The following SLC25A26 variants were observed in gnomAD, a reference collection of about 807,000 sequenced individuals.
SLC25A26 encodes the protein solute carrier family 25 member 26.
Under a neutral mutation model 37.8 loss-of-function variants are expected in SLC25A26, and 36 were observed. The observed-to-expected ratio is 0.95, with a 90% CI of 0.73 to 1.26. The LOEUF (loss-of-function observed/expected upper bound fraction) is 1.26. Ranked by LOEUF, SLC25A26 falls within the 50% of genes most tolerant of loss-of-function variation. The pLI is 0.00. For synonymous variants in SLC25A26, 129 were observed against 122.5 expected, an observed-to-expected ratio of 1.05 and a Z score of -0.35; for missense variants, 390 against 331.1, an observed-to-expected ratio of 1.18 and a Z score of -1.38.
At position 66,205,318 on chromosome 3, in the gene SLC25A26, C is replaced by T. The variant is rs1388451068; in HGVS notation, c.-353-15424C>T. ...TAAATGAATTAAAAATTTCCTGTCC[C>T]CAGAGTCTTACATCTTTCTCTGGTT... On this transcript the variant is annotated intron_variant, in intron 1 of 10. Transcript: ENST00000676754. Among the ~76,000 whole-genome samples, 6 of 152,232 alleles carry T rather than the reference C, an allele frequency of 3.9e-5. No individual in the cohort carries two copies. In the East Asian group the frequency reaches 1.2e-3, roughly 29 times the overall value.
intron 5 of SLC25A26, among the ~76,000 whole-genome samples, chr3:66,313,914 C>T (rs575688831): frequency 1.3e-5 from 2 of 152,040 alleles, no homozygotes; most frequent in African/African-American, 4.8e-5. Context: ...TGATTTGGCT[C>T]TCTGCTTGCC....
Position 66,300,243 on chromosome 3 carries a change from G to GT in SLC25A26, c.453+36871dup, listed in dbSNP as rs1395905357. On this transcript the variant is annotated intron_variant, in intron 5 of 9. Transcript: ENST00000354883. ...AACTCCAGTGGACTTCTAGGCTAGGGTTTTTTTGTTTTGTTTTTTTTTTTT... is the reference window on the plus strand; with the variant it reads ...AACTCCAGTGGACTTCTAGGCTAGGGTTTTTTTTGTTTTGTTTTTTTTTTTT... 5.9e-3 allele frequency among the ~76,000 whole-genome samples: 672 copies of GT among 113,140 alleles called. 6 individuals carry two copies. The highest frequency in any genetic ancestry group is 0.019 in the African/African-American group (625 of 33,238). 74.2% of individuals were successfully genotyped at this position (113,140 alleles called of 152,430 possible).
Position 66,362,861 on chromosome 3 carries a change from C to A in SLC25A26, c.500C>A (p.Ala167Asp). The change falls in exon 7 of 10, where the codon GCC becomes GAC. Residue 167 changes from alanine to aspartate, a missense_variant and splice_region_variant. Transcript: ENST00000354883. ...ATTTTTCTTTCTCCTTAAACACAGG[C>A]CCTCTGGTCCTGGAGGCAGGATCAT... ...VQFPLWESLKALWSWRQDHVV... is the reference protein window; with the variant it reads ...VQFPLWESLKDLWSWRQDHVV... 1.3e-6 allele frequency: 2 copies of A among 1,594,766 alleles called. No individual in the cohort carries two copies. Among genetic ancestry groups the A allele is most frequent in the Non-Finnish European group, 8.5e-7 (1 of 1,170,682 alleles).
At chr3:66,303,968 C>A (rs1343352940) in intron 5 of SLC25A26, among the ~76,000 whole-genome samples, 1 of 152,146 alleles carries the variant, frequency 6.6e-6, no homozygotes, top group African/African-American at 2.4e-5. Context: ...GCTCTGAGGT[C>A]CTTGCCATGT....
At chr3:66,232,750 GA>G (rs1244032231) in intron 1 of SLC25A26, among the ~76,000 whole-genome samples, 1 of 152,234 alleles carries the variant, frequency 6.6e-6, no homozygotes, top group African/African-American at 2.4e-5. Flanking sequence ...CCAGAGCCTG[GA>G]AGGCTGTGCT....
At chr3:66,177,087 T>G (rs1054338694) in intron 1 of SLC25A26, among the ~76,000 whole-genome samples, 1 of 152,178 alleles carries the variant, frequency 6.6e-6, no homozygotes, top group African/African-American at 2.4e-5. Flanking sequence ...AGAAAATAAC[T>G]ATCATCCTCT....
intron 1 of SLC25A26, among the ~76,000 whole-genome samples, chr3:66,138,192 A>G (rs2069976521): frequency 6.6e-6 from 1 of 152,202 alleles, no homozygotes; most frequent in Admixed American, 6.5e-5. Flanking sequence ...AACACGTAAA[A>G]TAAACATGGG....
intron 5 of SLC25A26, among the ~76,000 whole-genome samples, chr3:66,319,008 A>G (rs1441897833): frequency 6.6e-6 from 1 of 152,164 alleles, no homozygotes; most frequent in African/African-American, 2.4e-5. Flanking sequence ...GACTTGCGCT[A>G]TACTTACCAA....
intron 1 of SLC25A26, among the ~76,000 whole-genome samples, chr3:66,163,896 A>T (rs2070392034): frequency 1.3e-5 from 2 of 152,210 alleles, no homozygotes; most frequent in African/African-American, 4.8e-5. Flanking sequence ...AAGTCCCTGG[A>T]AACATTTTGT....
chr3:66,281,131 T>G (rs1298516057), intron 5 of SLC25A26, among the ~76,000 whole-genome samples: 1 of 152,192 alleles, frequency 6.6e-6, no homozygotes, highest in East Asian at 1.9e-4. Flanking sequence ...AACGGTCCCA[T>G]AATCTGGATT....
chr3:66,327,368 C>T (rs1310124541), intron 5 of SLC25A26, among the ~76,000 whole-genome samples: 2 of 152,244 alleles, frequency 1.3e-5, no homozygotes, highest in East Asian at 1.9e-4. Context: ...AGGATAAAAA[C>T]ACAAGGCACT....
At chr3:66,287,047 A>G (rs917569224) in intron 5 of SLC25A26, among the ~76,000 whole-genome samples, 4 of 152,048 alleles carry the variant, frequency 2.6e-5, no homozygotes, top group Non-Finnish European at 4.4e-5. Flanking sequence ...CTGCAATCCC[A>G]GTGCTTTGAG....
intron 1 of SLC25A26, among the ~76,000 whole-genome samples, chr3:66,202,981 T>C (rs1279170314): frequency 6.6e-6 from 1 of 152,202 alleles, no homozygotes; most frequent in Non-Finnish European, 1.5e-5. Flanking sequence ...ATAGCAGTGG[T>C]TGTCTTCTTA....
At chr3:66,295,906 C>CAA (rs1450395490) in intron 5 of SLC25A26, among the ~76,000 whole-genome samples, 2 of 151,944 alleles carry the variant, frequency 1.3e-5, no homozygotes, top group Admixed American at 6.6e-5. Flanking sequence ...ATCACGAGGT[C>CAA]AGGAGTTCGA....
Position 66,308,796 on chromosome 3 carries a change from G to A in SLC25A26, c.454-37568G>A, listed in dbSNP as rs140901334. Among the ~76,000 whole-genome samples, 16 of 152,298 alleles carry A rather than the reference G, an allele frequency of 1.1e-4. No homozygotes were observed. In the East Asian group the frequency reaches 2.7e-3, roughly 26 times the overall value. On this transcript the variant is annotated intron_variant, in intron 5 of 9. Transcript: ENST00000354883. ...TTTCTGCATCTGTTGAGATAATCAT[G>A]TGATTTTTGTCATTGGTTCTGTTTA... is the stretch of plus-strand genomic sequence containing the variant.
intron 1 of SLC25A26, among the ~76,000 whole-genome samples, chr3:66,184,283 C>T (rs1471932498): frequency 6.6e-6 from 1 of 151,998 alleles, no homozygotes; most frequent in Admixed American, 6.6e-5. Flanking sequence ...GACTTTCCCA[C>T]CCTCATCATG....
At chr3:66,150,521 A>G (rs571322798) in intron 1 of SLC25A26, among the ~76,000 whole-genome samples, 13 of 86,276 alleles carry the variant, frequency 1.5e-4, no homozygotes, top group Non-Finnish European at 2.3e-4. Flanking sequence ...ATATATATAT[A>G]ATGATATATA....
intron 1 of SLC25A26, among the ~76,000 whole-genome samples, chr3:66,196,770 C>A (rs992583256): frequency 5.3e-5 from 8 of 151,956 alleles, no homozygotes; most frequent in Admixed American, 3.9e-4. Context: ...TATAATCAAC[C>A]ATCTACATTA....
intron 1 of SLC25A26, among the ~76,000 whole-genome samples, chr3:66,141,072 C>A (rs902499081): frequency 1.3e-5 from 2 of 151,288 alleles, no homozygotes; most frequent in Non-Finnish European, 2.9e-5. Context: ...CACACACACA[C>A]GCAAATGAGC....
Sources: gnomAD v4.1 joint callset for allele counts (sites outside exome capture counted in the v4.1 genomes callset) on GRCh38, gnomAD v4.1.1 for gene constraint, MANE v1.5 for transcripts, NCBI Gene and HGNC (gene_info 2026-07-23, HGNC 2026-07-21) for gene names.